Variants in RYR3 observed in about 807,000 individuals in gnomAD.
RYR3 encodes ryanodine receptor 3.
Under a neutral mutation model 584.3 loss-of-function variants are expected in RYR3, and 207 were observed. The ratio of observed to expected loss-of-function variants is 0.35; its 90% CI spans 0.32 to 0.40. The LOEUF is 0.40. Ranked by LOEUF, RYR3 falls within the 10% of genes least tolerant of loss-of-function variation. RYR3 has a pLI of 1.00. For missense variants in RYR3, 5,616 were observed against 6,089.2 expected (o/e 0.92, Z 2.59); for synonymous variants, 2,416 against 2,248.5 (o/e 1.07, Z -2.11).
At chr15:33,752,642 A>G (rs989786219) in intron 57 of RYR3, among the ~76,000 whole-genome samples, 2 of 152,248 alleles carry the variant, frequency 1.3e-5, no homozygotes, top group African/African-American at 4.8e-5. Context: ...TGAGTTGATG[A>G]GGTTTTCTAA....
At chr15:33,644,710 G>A (rs1566858763) in intron 28 of RYR3, among the ~76,000 whole-genome samples, 191 bp downstream of exon 28, 1 of 152,234 alleles carries the variant, frequency 6.6e-6, no homozygotes, top group Non-Finnish European at 1.5e-5. Context: ...GGCATCTTAC[G>A]AGAGGCATCA....
In RYR3 at chr15:33,861,068, T is replaced by A. The variant is rs201707235; in HGVS notation, c.14365-10T>A. The A allele has an allele frequency of 6.4e-7, 1 of 1,569,648 alleles. No individual in the cohort carries two copies. Among genetic ancestry groups the A allele is most frequent in the Non-Finnish European group, 8.7e-7 (1 of 1,154,352 alleles). Reference sequence around the variant, plus strand: ...CAACAAATGCCTTTTCTGCCTGTTATTTTTCTTAGACTAAATGTTTCATCT... The same window carrying A: ...CAACAAATGCCTTTTCTGCCTGTTAATTTTCTTAGACTAAATGTTTCATCT... On this transcript the variant is annotated splice_polypyrimidine_tract_variant and intron_variant, in intron 101 of 103. Coordinates refer to ENST00000634891, the MANE Select transcript of RYR3 (RefSeq NM_001036.6).
intron 70 of RYR3, chr15:33,807,850 C>T: frequency 2.0e-6 from 1 of 500,786 alleles, no homozygotes; most frequent in South Asian, 2.5e-5. Context: ...TCGGCAGCCA[C>T]CACACTAACA....
intron 1 of RYR3, among the ~76,000 whole-genome samples, chr15:33,385,450 G>A (rs1240781523): frequency 6.6e-6 from 1 of 152,114 alleles, no homozygotes; most frequent in African/African-American, 2.4e-5. Context: ...GTCATTCTTA[G>A]TCCATAGCTA....
rs79060153 is a variant in RYR3 at position 33,360,120 on chromosome 15, G to A, written c.51+49024G>A. 1.4e-4 allele frequency among the ~76,000 whole-genome samples: 22 copies of A among 152,122 alleles called. No homozygotes were observed. In the East Asian group the frequency reaches 2.3e-3, roughly 16 times the overall value. Reference sequence around the variant, plus strand: ...TATTCCAGCACTTAGTACTTGACTCGTGGCGGTGCTCCATATAAATAAATT... The same window carrying A: ...TATTCCAGCACTTAGTACTTGACTCATGGCGGTGCTCCATATAAATAAATT... On this transcript the variant is annotated intron_variant, in intron 1 of 103. Coordinates refer to ENST00000634891, the MANE Select transcript of RYR3 (RefSeq NM_001036.6).
intron 98 of RYR3, among the ~76,000 whole-genome samples, chr15:33,857,363 T>A (rs935128371): frequency 2.0e-5 from 3 of 151,998 alleles, no homozygotes; most frequent in African/African-American, 7.3e-5. Flanking sequence ...TCTCTCTCTG[T>A]GTCTCCAACT....
intron 42 of RYR3, among the ~76,000 whole-genome samples, chr15:33,705,101 T>TCTCTCTCTCTCTCTCTCTCTCTC (rs1156781766): frequency 7.0e-6 from 1 of 142,102 alleles, no homozygotes; most frequent in African/African-American, 2.7e-5. Context: ...CACACACTCT[T>TCTCTCTCTCTCTCTCTCTCTCTC]TCTCTCTCTC....
At chr15:33,851,607 A>G (rs1345454135) in intron 94 of RYR3, 1 of 152,218 alleles carries the variant, frequency 6.6e-6, no homozygotes, top group African/African-American at 2.4e-5. Flanking sequence ...TCAGGGGACA[A>G]GAAATTCAGA....
At chr15:33,714,321 C>G (rs2067331368) in intron 43 of RYR3, among the ~76,000 whole-genome samples, 1 of 152,146 alleles carries the variant, frequency 6.6e-6, no homozygotes, top group Non-Finnish European at 1.5e-5. Context: ...AAAACTCTTT[C>G]TAACATTAAT....
In RYR3 at chr15:33,649,108, G is replaced by A; in HGVS notation, c.4015G>A (p.Asp1339Asn). ...YYAIRIFAGQ[D>N]PSCVWVGWVT... ...CGCCATCCGCATCTTTGCTGGACAGGATCCATCCTGTGTCTGGGTCGGATG... is the reference window on the plus strand; with the variant it reads ...CGCCATCCGCATCTTTGCTGGACAGAATCCATCCTGTGTCTGGGTCGGATG... The change falls in exon 31 of 104, where the codon GAT becomes AAT. Residue 1339 changes from aspartate to asparagine, a missense_variant. Transcript: ENST00000634891. 1 of 1,613,738 alleles carries A rather than the reference G, an allele frequency of 6.2e-7. No homozygotes were observed. The highest frequency in any genetic ancestry group is 1.1e-5 in the South Asian group (1 of 91,054).
At chr15:33,337,236 T>G (rs1971230962) in intron 1 of RYR3, among the ~76,000 whole-genome samples, 1 of 152,038 alleles carries the variant, frequency 6.6e-6, no homozygotes, top group Non-Finnish European at 1.5e-5. Flanking sequence ...AACTTAGATG[T>G]TAGGTCAGAT....
intron 2 of RYR3, among the ~76,000 whole-genome samples, chr15:33,482,476 A>G (rs574325859): frequency 1.8e-4 from 27 of 152,114 alleles, no homozygotes; most frequent in African/African-American, 6.0e-4. Context: ...CTGGAGGGCA[A>G]TGGCGCCATC....
intron 50 of RYR3, 114 bp downstream of exon 50, chr15:33,738,704 T>C (rs1163985764): frequency 9.0e-7 from 1 of 1,112,986 alleles, no homozygotes; most frequent in East Asian, 2.4e-5. Context: ...TGCTAAGTAC[T>C]TCACAAGCAT....
chr15:33,710,318 A>C (rs1031205363), intron 43 of RYR3, among the ~76,000 whole-genome samples: 2 of 148,040 alleles, frequency 1.4e-5, no homozygotes, highest in African/African-American at 5.0e-5. Flanking sequence ...GAGAGAGTAG[A>C]GAGGCTGGAG....
intron 86 of RYR3, among the ~76,000 whole-genome samples, chr15:33,832,251 G>A (rs1202337506): frequency 3.0e-5 from 3 of 99,082 alleles, no homozygotes; most frequent in Non-Finnish European, 7.4e-5. Flanking sequence ...CTGAGATCGC[G>A]CCGCCGCACT....
intron 38 of RYR3, among the ~76,000 whole-genome samples, chr15:33,680,170 A>T (rs965348616): frequency 1.3e-5 from 2 of 152,226 alleles, no homozygotes; most frequent in African/African-American, 4.8e-5. Flanking sequence ...GAATATAAGG[A>T]TTAAATAAAA....
chr15:33,757,040 A>AGTTAGCAGGGCT (rs2071909714), intron 59 of RYR3, among the ~76,000 whole-genome samples: 1 of 152,178 alleles, frequency 6.6e-6, no homozygotes, highest in African/African-American at 2.4e-5. Context: ...TTTGGGCTCA[A>AGTTAGCAGGGCT]GTTAGCAGTC....
intron 14 of RYR3, among the ~76,000 whole-genome samples, 161 bp from the exon 15 acceptor site, chr15:33,584,234 G>GA (rs201623484): frequency 1.7e-3 from 260 of 150,854 alleles, no homozygotes; most frequent in African/African-American, 5.9e-3. Context: ...CTTAAAAAAA[G>GA]AAAAAAAAAG....
rs1246072129 is a variant in RYR3 at position 33,443,065 on chromosome 15, C to T, written c.52-30354C>T. Reference sequence around the variant, plus strand: ...CTTAAGGTCAGGAGTTGGAGACCAGCCTGGCCAGCATGGTGAAACCCTTGT... The same window carrying T: ...CTTAAGGTCAGGAGTTGGAGACCAGTCTGGCCAGCATGGTGAAACCCTTGT... On this transcript the variant is annotated intron_variant, in intron 1 of 103. Coordinates refer to ENST00000634891, the MANE Select transcript of RYR3 (RefSeq NM_001036.6). 2.6e-5 allele frequency among the ~76,000 whole-genome samples: 4 copies of T among 152,212 alleles called. No homozygotes were observed. The East Asian group carries it at 7.7e-4, about 29-fold the overall frequency.
Sources: gnomAD v4.1 joint callset for allele counts (sites outside exome capture counted in the v4.1 genomes callset) on GRCh38, gnomAD v4.1.1 for gene constraint, MANE v1.5 for transcripts, NCBI Gene and HGNC (gene_info 2026-07-23, HGNC 2026-07-21) for gene names.